SLC25A20: variants seen among roughly 807,000 people sequenced by gnomAD.
SLC25A20 encodes the protein mitochondrial carnitine/acylcarnitine carrier protein.
SLC25A20 carries 29 observed loss-of-function variants against 39.7 expected under a neutral mutation model. The ratio of observed to expected loss-of-function variants is 0.73; its 90% CI spans 0.54 to 1.00. SLC25A20 has a LOEUF of 1.00. Ranked by LOEUF, SLC25A20 falls within the 50% of genes least tolerant of loss-of-function variation. The pLI is 0.00. For missense variants in SLC25A20, 333 were observed against 379.9 expected, an observed-to-expected ratio of 0.88 and a Z score of 1.03; for synonymous variants, 103 against 142.2, an observed-to-expected ratio of 0.72 and a Z score of 1.96.
At chr3:48,867,290 G>A (rs1241832169) in intron 4 of SLC25A20, among the ~76,000 whole-genome samples, 3 of 151,724 alleles carry the variant, frequency 2.0e-5, no homozygotes, top group Non-Finnish European at 4.4e-5. Context: ...TTGTTGCCCA[G>A]GCTGGAGTGC....
chr3:48,880,008 G>A (rs2083786618), intron 3 of SLC25A20, among the ~76,000 whole-genome samples: 1 of 152,150 alleles, frequency 6.6e-6, no homozygotes, highest in Non-Finnish European at 1.5e-5. Flanking sequence ...CACCTCTAAA[G>A]GCTAAGGGAT....
intron 4 of SLC25A20, among the ~76,000 whole-genome samples, chr3:48,871,354 AAAAG>A (rs1444550359): frequency 6.6e-6 from 1 of 152,070 alleles, no homozygotes; most frequent in Non-Finnish European, 1.5e-5. Context: ...AAAAAAAAAA[AAAAG>A]AGAATCAAGT....
At chr3:48,864,703 G>C (rs996592350) in intron 4 of SLC25A20, among the ~76,000 whole-genome samples, 7 of 151,964 alleles carry the variant, frequency 4.6e-5, no homozygotes, top group Non-Finnish European at 1.0e-4. Context: ...ATTGGGCATA[G>C]GAATAACATA....
At chr3:48,870,654 C>T in intron 4 of SLC25A20, among the ~76,000 whole-genome samples, 1 of 148,196 alleles carries the variant, frequency 6.7e-6, no homozygotes, top group South Asian at 2.1e-4. Flanking sequence ...GCTGGGACTA[C>T]AGGCACGCAA....
intron 1 of SLC25A20, among the ~76,000 whole-genome samples, chr3:48,894,517 C>T (rs1254429021): frequency 6.6e-6 from 1 of 151,778 alleles, no homozygotes; most frequent in African/African-American, 2.4e-5. Context: ...AGGTGATCCA[C>T]CCGCCTCGGC....
chr3:48,897,369 T>A (rs6795701), intron 1 of SLC25A20, among the ~76,000 whole-genome samples: 4,483 of 92,440 alleles, frequency 0.048, 113 homozygotes, highest in East Asian at 0.23. Context: ...ATATATATAT[T>A]TTTTTTTTTT....
intron 4 of SLC25A20, among the ~76,000 whole-genome samples, chr3:48,870,558 CTTTT>C (rs752195846): frequency 2.4e-5 from 3 of 123,480 alleles, no homozygotes; most frequent in Non-Finnish European, 3.5e-5. Context: ...TTTTCTTTTT[CTTTT>C]TTTTTTTTTT....
At position 48,858,497 on chromosome 3, in the gene SLC25A20, A is replaced by G; in HGVS notation, c.843+10T>C. On this transcript the variant is annotated intron_variant, in intron 8 of 8. Transcript: ENST00000319017. ...CCCAGAGGGAAAGCACAGCCCTGCC[A>G]GCTACTCACCGCATTGGCTGGGAAG... 1 of 1,614,180 alleles carries G rather than the reference A, an allele frequency of 6.2e-7. No individual in the cohort carries two copies. The highest frequency in any genetic ancestry group is 8.5e-7 in the Non-Finnish European group (1 of 1,180,030).
Position 48,888,570 on chromosome 3 carries a change from A to AAAATAAATAAAT in SLC25A20, c.198+3398_198+3409dup, listed in dbSNP as rs35871910. Among the ~76,000 whole-genome samples, 216 of 142,174 alleles carry AAAATAAATAAAT rather than the reference A, an allele frequency of 1.5e-3. 1 individual carries two copies. The highest frequency in any genetic ancestry group is 2.5e-3 in the Admixed American group (36 of 14,148). 93.3% of individuals were successfully genotyped at this position (142,174 alleles called of 152,430 possible). On this transcript the variant is annotated intron_variant, in intron 2 of 8. Coordinates refer to ENST00000319017, the MANE Select transcript of SLC25A20 (RefSeq NM_000387.6). Reference sequence around the variant, plus strand: ...GGCAACTGAACAAGACTCTTGTCTCAAAATAAATAAATAAATAAATAAATA... The same window carrying AAAATAAATAAAT: ...GGCAACTGAACAAGACTCTTGTCTCAAAATAAATAAATAAATAAATAAATAAATAAATAAATA...
At chr3:48,894,520 G>A (rs1197459827) in intron 1 of SLC25A20, among the ~76,000 whole-genome samples, 2 of 150,628 alleles carry the variant, frequency 1.3e-5, no homozygotes, top group East Asian at 2.0e-4. Context: ...TGATCCACCC[G>A]CCTCGGCCTC....
chr3:48,860,868 C>G (rs556069539), intron 5 of SLC25A20, among the ~76,000 whole-genome samples: 23 of 144,872 alleles, frequency 1.6e-4, no homozygotes, highest in African/African-American at 4.8e-4. Context: ...GAGTCTCGCT[C>G]TCTCGCCCAG....
intron 1 of SLC25A20, chr3:48,895,613 T>C (rs2083905242): frequency 4.1e-6 from 1 of 242,620 alleles, no homozygotes; most frequent in Non-Finnish European, 8.5e-6. Context: ...ATTTTTTTAA[T>C]AATTTCTTTA....
At chr3:48,863,777 G>A (rs2083644156) in intron 4 of SLC25A20, among the ~76,000 whole-genome samples, 1 of 151,992 alleles carries the variant, frequency 6.6e-6, no homozygotes, top group African/African-American at 2.4e-5. Flanking sequence ...AGCACTTTGG[G>A]AGGCTGAGGC....
intron 2 of SLC25A20, among the ~76,000 whole-genome samples, chr3:48,886,246 C>T (rs925495637): frequency 6.6e-6 from 1 of 151,914 alleles, no homozygotes; most frequent in Admixed American, 6.6e-5. Flanking sequence ...TAGTAATGGC[C>T]GGGTGCGGTG....
intron 4 of SLC25A20, among the ~76,000 whole-genome samples, chr3:48,867,115 A>G (rs1345570447): frequency 6.7e-6 from 1 of 149,572 alleles, no homozygotes; most frequent in Non-Finnish European, 1.5e-5. Context: ...TAATTTTTGT[A>G]TTTTTTTGTA....
Position 48,858,634 on chromosome 3 carries a change from G to A in SLC25A20, c.719-3C>T. ...ATTAGGATATTTCCCAGGAGGTGCT[G>A]TGGGGCAGAACCCAATTTTTAAGGC... On this transcript the variant is annotated splice_region_variant and splice_polypyrimidine_tract_variant and intron_variant, in intron 7 of 8. Transcript: ENST00000319017. 3 of 1,614,174 alleles carry A rather than the reference G, an allele frequency of 1.9e-6. No homozygotes were observed. Among genetic ancestry groups the A allele is most frequent in the Non-Finnish European group, 2.5e-6 (3 of 1,180,030 alleles).
At chr3:48,861,367 T>C (rs1026332600) in intron 5 of SLC25A20, among the ~76,000 whole-genome samples, 10 of 152,202 alleles carry the variant, frequency 6.6e-5, no homozygotes, top group Non-Finnish European at 1.2e-4. Flanking sequence ...ACTTTGCAGC[T>C]ATGGGATGCT....
chr3:48,898,426 G>A (rs1260716047), intron 1 of SLC25A20, among the ~76,000 whole-genome samples: 1 of 152,242 alleles, frequency 6.6e-6, no homozygotes, highest in Non-Finnish European at 1.5e-5. Flanking sequence ...AAGTGGCGCA[G>A]GGTCAGAAGA....
intron 2 of SLC25A20, among the ~76,000 whole-genome samples, chr3:48,888,522 T>C (rs1331346029): frequency 1.3e-5 from 2 of 150,940 alleles, no homozygotes; most frequent in Non-Finnish European, 3.0e-5. Flanking sequence ...GTGACCGAGA[T>C]TGCGCCACTG....
Sources: gnomAD v4.1 joint callset for allele counts (sites outside exome capture counted in the v4.1 genomes callset) on GRCh38, gnomAD v4.1.1 for gene constraint, MANE v1.5 for transcripts, NCBI Gene and HGNC (gene_info 2026-07-23, HGNC 2026-07-21) for gene names.